Variants in OSMR observed in about 807,000 individuals in gnomAD.
The protein encoded by OSMR is oncostatin M receptor.
In OSMR, 81 loss-of-function variants were observed where a neutral mutation model predicts 99.9. That is an observed-to-expected ratio of 0.81 (90% CI 0.68 to 0.97). OSMR has a LOEUF of 0.97. OSMR is among the 50% of genes least tolerant of loss of function. The probability of loss-of-function intolerance (pLI) is 0.00; values close to 1 mark genes in which losing one functional copy is unlikely to be tolerated. For synonymous variants in OSMR, 406 were observed against 410.4 expected (o/e 0.99, Z 0.13); for missense variants, 1,099 against 1,153.4 (o/e 0.95, Z 0.68).
intron 1 of OSMR, among the ~76,000 whole-genome samples, chr5:38,865,774 G>T (rs1741890751): frequency 1.3e-5 from 2 of 151,762 alleles, no homozygotes; most frequent in African/African-American, 4.9e-5. Context: ...GCAGTGGTAG[G>T]CCAGGCAGGC....
chr5:38,883,648 G>A (rs1743473219), intron 4 of OSMR, 179 bp from the exon 5 acceptor site: 12 of 964,444 alleles, frequency 1.2e-5, no homozygotes, highest in Non-Finnish European at 1.5e-5. Flanking sequence ...AGGAGCAGTG[G>A]TGGAAAGGAT....
At chr5:38,906,093 C>G (rs1423990861) in intron 9 of OSMR, among the ~76,000 whole-genome samples, 1 of 151,856 alleles carries the variant, frequency 6.6e-6, no homozygotes, top group Non-Finnish European at 1.5e-5. Context: ...TCTGGAAGGC[C>G]CTGTTCCTGA....
chr5:38,882,490 G>A (rs898515542), intron 4 of OSMR, among the ~76,000 whole-genome samples: 4 of 152,182 alleles, frequency 2.6e-5, no homozygotes, highest in East Asian at 3.9e-4. Context: ...CAGGAGAATC[G>A]CTTGAACCCA....
intron 4 of OSMR, 101 bp downstream of exon 4, chr5:38,881,865 G>A (rs528029195): frequency 2.9e-6 from 3 of 1,025,000 alleles, no homozygotes; most frequent in Non-Finnish European, 4.5e-6. Flanking sequence ...ACCCTGGGTA[G>A]ACACTGACAT....
chr5:38,860,274 G>C (rs1741180904), intron 1 of OSMR, among the ~76,000 whole-genome samples: 1 of 152,186 alleles, frequency 6.6e-6, no homozygotes, highest in East Asian at 1.9e-4. Flanking sequence ...TTTTTATCAT[G>C]AAGGAATGTT....
chr5:38,944,422 T>C (rs751860732), intron 2 of OSMR: 2 of 1,583,556 alleles, frequency 1.3e-6, no homozygotes, highest in Admixed American at 1.9e-5. Context: ...AAACAAATAA[T>C]ACTCATGCAC....
chr5:38,850,554 A>C (rs1160800034), intron 1 of OSMR, among the ~76,000 whole-genome samples: 1 of 152,216 alleles, frequency 6.6e-6, no homozygotes, highest in Non-Finnish European at 1.5e-5. Context: ...CAGTCATATA[A>C]AATATATGCA....
chr5:38,918,890 T>G lies in OSMR; in HGVS notation c.1413T>G (p.Val471=). 3.1e-6 allele frequency: 5 copies of G among 1,614,128 alleles called. No individual in the cohort carries two copies. The highest frequency in any genetic ancestry group is 4.2e-6 in the Non-Finnish European group (5 of 1,179,966). ...ANGKILFYNV[V]VENLDKPSSS... is the part of the protein sequence containing the mutation. ...GAAAGATCCTGTTCTATAATGTAGT[T>G]GTAGAAAACCTAGACAAACCATCCA... The change falls in exon 11 of 18, where the codon GTT becomes GTG. Residue 471 remains valine, a synonymous_variant. Coordinates refer to ENST00000274276, the MANE Select transcript of OSMR (RefSeq NM_003999.3).
At chr5:38,858,798 AT>A (rs1300543685) in intron 1 of OSMR, among the ~76,000 whole-genome samples, 1 of 152,278 alleles carries the variant, frequency 6.6e-6, no homozygotes, top group Non-Finnish European at 1.5e-5. Flanking sequence ...GATACTAGCC[AT>A]TCTAACTGGG....
At chr5:38,918,172 C>T (rs985292645) in intron 10 of OSMR, among the ~76,000 whole-genome samples, 1 of 151,828 alleles carries the variant, frequency 6.6e-6, no homozygotes, top group African/African-American at 2.4e-5. Flanking sequence ...TTGGCACACT[C>T]CGCAAGAATC....
intron 12 of OSMR, chr5:38,922,934 T>C (rs1746302703): frequency 1.3e-5 from 2 of 158,608 alleles, no homozygotes; most frequent in Admixed American, 1.3e-4. Flanking sequence ...CGCCATTAAA[T>C]CTGGCTAATT....
intron 9 of OSMR, among the ~76,000 whole-genome samples, chr5:38,908,269 G>A (rs1016591591): frequency 2.6e-5 from 4 of 152,188 alleles, no homozygotes; most frequent in Non-Finnish European, 5.9e-5. Flanking sequence ...AAGACTGGTA[G>A]CCTCCTGCCT....
At chr5:38,908,182 A>G (rs1042466245) in intron 9 of OSMR, among the ~76,000 whole-genome samples, 1 of 152,120 alleles carries the variant, frequency 6.6e-6, no homozygotes, top group Non-Finnish European at 1.5e-5. Context: ...ACAACTGCCA[A>G]TGTGAATGCA....
chr5:38,880,812 C>G (rs647194), intron 3 of OSMR, among the ~76,000 whole-genome samples: 72,136 of 152,048 alleles, frequency 0.47, 18,141 homozygotes, highest in African/African-American at 0.63. Context: ...AAGGTGTAAA[C>G]GGGCCTTTGA....
intron 8 of OSMR, 63 bp downstream of exon 8, chr5:38,904,087 G>A: frequency 6.3e-7 from 1 of 1,597,718 alleles, no homozygotes; most frequent in African/African-American, 1.3e-5. Flanking sequence ...CAGAGACACT[G>A]ATGAATAAAA....
chr5:38,939,995 T>C (rs1375250318), downstream of OSMR: 3 of 226,522 alleles, frequency 1.3e-5, no homozygotes, highest in African/African-American at 6.8e-5. Flanking sequence ...AGAAACCAAA[T>C]AGCACTATAA....
At chr5:38,906,851 A>G (rs1745269299) in intron 9 of OSMR, among the ~76,000 whole-genome samples, 1 of 152,226 alleles carries the variant, frequency 6.6e-6, no homozygotes, top group Admixed American at 6.5e-5. Flanking sequence ...ATCAAAAATT[A>G]CTTGTCCTCT....
intron 9 of OSMR, among the ~76,000 whole-genome samples, chr5:38,911,869 A>G (rs1745610030): frequency 6.6e-6 from 1 of 152,230 alleles, no homozygotes; most frequent in Non-Finnish European, 1.5e-5. Flanking sequence ...ATATCCATTC[A>G]TGTTAAAAAC....
intron 6 of OSMR, 124 bp from the exon 7 acceptor site, chr5:38,885,914 TC>T: frequency 1.3e-6 from 2 of 1,485,386 alleles, no homozygotes; most frequent in Non-Finnish European, 1.8e-6. Context: ...GATGGATGGA[TC>T]AATGCCATTA....
Sources: gnomAD v4.1 joint callset for allele counts (sites outside exome capture counted in the v4.1 genomes callset) on GRCh38, gnomAD v4.1.1 for gene constraint, MANE v1.5 for transcripts, NCBI Gene and HGNC (gene_info 2026-07-23, HGNC 2026-07-21) for gene names.